ANKS1B: variants seen among roughly 807,000 people sequenced by gnomAD.
ANKS1B encodes the protein ankyrin repeat and sterile alpha motif domain containing 1B, also known as ankyrin repeat and sterile alpha motif domain-containing protein 1B.
ANKS1B carries 36 observed loss-of-function variants against 148.3 expected under a neutral mutation model. That is an observed-to-expected ratio of 0.24 (90% CI 0.19 to 0.32). ANKS1B has a LOEUF of 0.32. ANKS1B is among the 10% of genes least tolerant of loss of function. The pLI is 1.00. For synonymous variants in ANKS1B, 542 were observed against 560.8 expected, an observed-to-expected ratio of 0.97 and a Z score of 0.47; for missense variants, 1,157 against 1,542.6, an observed-to-expected ratio of 0.75 and a Z score of 4.19.
intron 8 of ANKS1B, among the ~76,000 whole-genome samples, chr12:99,715,615 G>T (rs1479267410): frequency 6.6e-6 from 1 of 152,108 alleles, no homozygotes; most frequent in Non-Finnish European, 1.5e-5. Context: ...CTCGGATCAG[G>T]GGACCCTTGG....
intron 20 of ANKS1B, among the ~76,000 whole-genome samples, chr12:98,803,987 A>T (rs2099028478): frequency 6.6e-6 from 1 of 152,164 alleles, no homozygotes; most frequent in Non-Finnish European, 1.5e-5. Context: ...AAATCACTGA[A>T]ATCCCTTATT....
At chr12:98,976,086 A>G (rs1597883468) in intron 17 of ANKS1B, among the ~76,000 whole-genome samples, 1 of 152,346 alleles carries the variant, frequency 6.6e-6, no homozygotes, top group Middle Eastern at 3.4e-3. Flanking sequence ...AATCATGTCT[A>G]TAAGACAAAA....
intron 8 of ANKS1B, among the ~76,000 whole-genome samples, chr12:99,735,139 A>G (rs1264062366): frequency 1.3e-5 from 2 of 152,218 alleles, no homozygotes; most frequent in African/African-American, 2.4e-5. Context: ...GGAAGTTGAT[A>G]GCAATAAACA....
At chr12:99,933,681 G>T (rs2094684494) in intron 1 of ANKS1B, among the ~76,000 whole-genome samples, 2 of 152,070 alleles carry the variant, frequency 1.3e-5, no homozygotes, top group African/African-American at 4.8e-5. Flanking sequence ...TATATCATCT[G>T]CAAACAAGGA....
At chr12:98,770,870 T>C (rs1027890931) in intron 25 of ANKS1B, among the ~76,000 whole-genome samples, 3 of 152,194 alleles carry the variant, frequency 2.0e-5, no homozygotes, top group Non-Finnish European at 2.9e-5. Flanking sequence ...CACGAATATA[T>C]GAATACGTGA....
downstream of ANKS1B, among the ~76,000 whole-genome samples, chr12:98,742,466 G>A (rs1025739534): frequency 1.4e-4 from 21 of 152,148 alleles, no homozygotes; most frequent in Admixed American, 2.0e-4. Context: ...AGTGCAATAT[G>A]TTGGCTGCAG....
intron 10 of ANKS1B, among the ~76,000 whole-genome samples, chr12:99,470,701 A>G (rs1169285712): frequency 6.6e-6 from 1 of 152,160 alleles, no homozygotes; most frequent in East Asian, 1.9e-4. Context: ...TGTCTATCAT[A>G]TAAATTAAAT....
chr12:99,450,097 C>G (rs12301876), intron 10 of ANKS1B, among the ~76,000 whole-genome samples: 15,999 of 152,062 alleles, frequency 0.11, 1,413 homozygotes, highest in African/African-American at 0.23. Flanking sequence ...GAAGTTGATG[C>G]TGTAAATTCT....
At chr12:99,595,648 T>A (rs1453914376) in intron 9 of ANKS1B, among the ~76,000 whole-genome samples, 1 of 151,904 alleles carries the variant, frequency 6.6e-6, no homozygotes, top group East Asian at 1.9e-4. Context: ...AATTTTATGA[T>A]CTCGCACATT....
chr12:99,917,926 G>C (rs2094222170), intron 1 of ANKS1B, among the ~76,000 whole-genome samples: 1 of 152,258 alleles, frequency 6.6e-6, no homozygotes. Flanking sequence ...CCTGAGCGCT[G>C]TCTCTTGACA....
At chr12:99,126,041 CAG>C (rs2153737825) in intron 15 of ANKS1B, among the ~76,000 whole-genome samples, 1 of 152,198 alleles carries the variant, frequency 6.6e-6, no homozygotes, top group African/African-American at 2.4e-5. Context: ...CCCCAAAACA[CAG>C]AGTTCTTGGT....
chr12:98,752,478 C>T (rs2098120237), intron 25 of ANKS1B, among the ~76,000 whole-genome samples: 1 of 152,070 alleles, frequency 6.6e-6, no homozygotes, highest in African/African-American at 2.4e-5. Flanking sequence ...AGGCTGGTCT[C>T]ATATTCCTGA....
At chr12:99,642,136 CA>C (rs2153422069) in intron 9 of ANKS1B, among the ~76,000 whole-genome samples, 1 of 152,160 alleles carries the variant, frequency 6.6e-6, no homozygotes, top group African/African-American at 2.4e-5. Context: ...TGAGGCTTTC[CA>C]AAGGCAAAAT....
chr12:99,623,258 T>C (rs972155083), intron 9 of ANKS1B, among the ~76,000 whole-genome samples: 1 of 151,772 alleles, frequency 6.6e-6, no homozygotes, highest in Non-Finnish European at 1.5e-5. Flanking sequence ...GAAGCTACCT[T>C]AAAATAATGA....
chr12:99,895,158 G>T (rs2093335619), intron 1 of ANKS1B, among the ~76,000 whole-genome samples: 1 of 150,650 alleles, frequency 6.6e-6, no homozygotes, highest in South Asian at 2.1e-4. Context: ...GAGTAAAGCT[G>T]ATTATTCTCC....
chr12:99,971,986 T>A (rs2095564842), intron 1 of ANKS1B, among the ~76,000 whole-genome samples: 1 of 152,236 alleles, frequency 6.6e-6, no homozygotes, highest in South Asian at 2.1e-4. Context: ...GCTCAGTTCA[T>A]GTCTCTGTGT....
chr12:99,888,172 A>G (rs1434707450), intron 1 of ANKS1B, among the ~76,000 whole-genome samples: 1 of 152,234 alleles, frequency 6.6e-6, no homozygotes, highest in Admixed American at 6.5e-5. Context: ...TACATGCTAT[A>G]TGACCTGAGA....
At chr12:98,892,717 T>C (rs1263357640) in intron 17 of ANKS1B, among the ~76,000 whole-genome samples, 1 of 152,244 alleles carries the variant, frequency 6.6e-6, no homozygotes, top group Non-Finnish European at 1.5e-5. Context: ...CAAAATATCA[T>C]ATTAAATAAT....
intron 12 of ANKS1B, among the ~76,000 whole-genome samples, chr12:99,394,281 T>C (rs1391644248): frequency 2.0e-5 from 3 of 152,198 alleles, no homozygotes; most frequent in Non-Finnish European, 4.4e-5. Context: ...CCTGCCAGTA[T>C]TTGCACCCAC....
Sources: allele counts gnomAD v4.1 joint callset (sites outside exome capture counted in the v4.1 genomes callset), GRCh38; gene constraint gnomAD v4.1.1; transcripts MANE v1.5; gene names NCBI Gene and HGNC (gene_info 2026-07-23, HGNC 2026-07-21).